Variants in RIMS2 observed in about 807,000 individuals in gnomAD.
RIMS2 encodes regulating synaptic membrane exocytosis protein 2.
A neutral mutation model predicts 174.4 loss-of-function variants in RIMS2; 59 were observed. That is an observed-to-expected ratio of 0.34 (90% CI 0.27 to 0.42). RIMS2 has a LOEUF of 0.42. RIMS2 is among the 10% of genes least tolerant of loss of function. The pLI is 1.00. For missense variants in RIMS2, 1,620 were observed against 1,666.3 expected, an observed-to-expected ratio of 0.97 and a Z score of 0.48; for synonymous variants, 606 against 572.5, an observed-to-expected ratio of 1.06 and a Z score of -0.84.
intron 19 of RIMS2, among the ~76,000 whole-genome samples, chr8:104,207,477 G>A (rs2099085762): frequency 6.6e-6 from 1 of 152,192 alleles, no homozygotes; most frequent in Admixed American, 6.5e-5. Context: ...ATATTCCCTA[G>A]GATGAAATAT....
intron 2 of RIMS2, among the ~76,000 whole-genome samples, chr8:103,763,371 G>A (rs1413614843): frequency 1.3e-5 from 2 of 151,886 alleles, no homozygotes; most frequent in African/African-American, 4.8e-5. Context: ...GGGAGGTTGA[G>A]GCTACAGTGA....
chr8:104,097,475 T>C (rs1193855886), intron 19 of RIMS2, among the ~76,000 whole-genome samples: 2 of 152,188 alleles, frequency 1.3e-5, no homozygotes, highest in Admixed American at 1.3e-4. Context: ...AGTCACTTTC[T>C]TGCACTTATT....
At chr8:103,991,427 A>G (rs755881012) in intron 17 of RIMS2, among the ~76,000 whole-genome samples, 12 of 151,924 alleles carry the variant, frequency 7.9e-5, no homozygotes, top group Non-Finnish European at 1.6e-4. Flanking sequence ...TCAATATTAT[A>G]TATGTGGTCT....
intron 1 of RIMS2, among the ~76,000 whole-genome samples, chr8:103,605,636 C>G (rs1242003119): frequency 1.3e-5 from 2 of 151,850 alleles, no homozygotes; most frequent in Non-Finnish European, 2.9e-5. Context: ...GTCCTGGACT[C>G]TTTTTGGTTG....
chr8:103,569,908 T>C (rs76848950), intron 1 of RIMS2, among the ~76,000 whole-genome samples: 4,558 of 152,156 alleles, frequency 0.03, 75 homozygotes, highest in African/African-American at 0.046. Context: ...GCTGGGATTA[T>C]AGGTGTGAGT....
chr8:104,083,086 C>T (rs565218194), intron 19 of RIMS2, among the ~76,000 whole-genome samples: 6 of 152,282 alleles, frequency 3.9e-5, no homozygotes, highest in African/African-American at 1.2e-4. Flanking sequence ...TGTCTTCTCA[C>T]ACAGGGAACA....
chr8:103,872,981 A>C (rs1176088698), intron 3 of RIMS2, among the ~76,000 whole-genome samples: 1 of 152,160 alleles, frequency 6.6e-6, no homozygotes, highest in Non-Finnish European at 1.5e-5. Context: ...TAAAGCTATT[A>C]ATTCTTACTG....
intron 2 of RIMS2, among the ~76,000 whole-genome samples, chr8:103,738,018 A>T (rs1248938561): frequency 1.3e-5 from 2 of 152,176 alleles, no homozygotes; most frequent in Non-Finnish European, 2.9e-5. Flanking sequence ...TGAGAATAGG[A>T]ACATGTCTGT....
At chr8:103,762,435 G>A (rs547366373) in intron 2 of RIMS2, among the ~76,000 whole-genome samples, 1 of 151,982 alleles carries the variant, frequency 6.6e-6, no homozygotes, top group East Asian at 1.9e-4. Flanking sequence ...TGGTTAAAGC[G>A]TTCTATTAGC....
At chr8:104,006,277 C>T (rs116915026) in intron 17 of RIMS2, among the ~76,000 whole-genome samples, 4,459 of 152,134 alleles carry the variant, frequency 0.029, 89 homozygotes, top group Non-Finnish European at 0.046. Context: ...TGGCTGGGCG[C>T]GGTAGCTCAC....
At chr8:103,556,836 C>T (rs1587680245) in intron 1 of RIMS2, among the ~76,000 whole-genome samples, 1 of 151,998 alleles carries the variant, frequency 6.6e-6, no homozygotes, top group East Asian at 1.9e-4. Context: ...ACCTACCTAA[C>T]AAATAGGTAG....
intron 19 of RIMS2, among the ~76,000 whole-genome samples, chr8:104,059,986 G>A (rs1244130904): frequency 1.3e-5 from 2 of 151,808 alleles, no homozygotes; most frequent in East Asian, 3.9e-4. Context: ...ATTTTATTGA[G>A]GATTTTTGCA....
intron 19 of RIMS2, among the ~76,000 whole-genome samples, chr8:104,075,806 G>A (rs35893797): frequency 0.011 from 1,742 of 152,172 alleles, 10 homozygotes; most frequent in Non-Finnish European, 0.019. Context: ...ACTAGCCTAC[G>A]AAACTATGAG....
In RIMS2 at chr8:104,144,328, A is replaced by G. The variant is rs564914674; in HGVS notation, c.3335-100588A>G. Among the ~76,000 whole-genome samples, 115 of 152,318 alleles carry G rather than the reference A, an allele frequency of 7.5e-4. 4 individuals are homozygous for G. In the South Asian group the frequency reaches 0.02, roughly 26 times the overall value. ...AAACAATATTTAGAAATGTAAAAAC[A>G]GTGTCCTTTTCTAGAACCGAACACC... On this transcript the variant is annotated intron_variant, in intron 19 of 23. Coordinates refer to ENST00000504942, the Ensembl canonical transcript of RIMS2.
chr8:104,032,235 A>G (rs2096409931), intron 19 of RIMS2, among the ~76,000 whole-genome samples: 1 of 152,068 alleles, frequency 6.6e-6, no homozygotes, highest in African/African-American at 2.4e-5. Flanking sequence ...TTTATTTACA[A>G]TCTCTGGAGA....
chr8:103,780,805 T>A lies in RIMS2; in HGVS notation c.698+14268T>A, dbSNP rs534667366. ...TTTGCTATTGCTTCTTGGGGATGTCTTTCTATGTCTTTGCATTGAAAGGTT... is the reference window on the plus strand; with the variant it reads ...TTTGCTATTGCTTCTTGGGGATGTCATTCTATGTCTTTGCATTGAAAGGTT... On this transcript the variant is annotated intron_variant, in intron 3 of 23. Transcript: ENST00000504942. 2.0e-5 allele frequency among the ~76,000 whole-genome samples: 3 copies of A among 152,310 alleles called. No individual in the cohort carries two copies. In the South Asian group the frequency reaches 6.2e-4, roughly 32 times the overall value.
Position 104,154,048 on chromosome 8 carries a change from C to G in RIMS2, c.3335-90868C>G, listed in dbSNP as rs556860131. 2.0e-5 allele frequency among the ~76,000 whole-genome samples: 3 copies of G among 152,302 alleles called. No homozygotes were observed. In the East Asian group the frequency reaches 5.8e-4, roughly 29 times the overall value. ...TGAGAATAAAAATATGAACACCTAA[C>G]ACTTTTTAAGCACTTATTATGTGCT... On this transcript the variant is annotated intron_variant, in intron 19 of 23. Transcript: ENST00000504942.
At chr8:103,529,673 G>A (rs539653260) in intron 1 of RIMS2, among the ~76,000 whole-genome samples, 22 of 152,134 alleles carry the variant, frequency 1.4e-4, no homozygotes, top group Non-Finnish European at 2.5e-4. Flanking sequence ...AGATGAACCC[G>A]GTACCTCAGT....
At chr8:104,082,814 T>C (rs963577531) in intron 19 of RIMS2, among the ~76,000 whole-genome samples, 1 of 152,074 alleles carries the variant, frequency 6.6e-6, no homozygotes, top group African/African-American at 2.4e-5. Context: ...CTATATTATT[T>C]TTCTATATTT....
Sources: gnomAD v4.1 joint callset for allele counts (sites outside exome capture counted in the v4.1 genomes callset) on GRCh38, gnomAD v4.1.1 for gene constraint, MANE v1.5 for transcripts, NCBI Gene and HGNC (gene_info 2026-07-23, HGNC 2026-07-21) for gene names.